Variants in FAM193A observed in about 807,000 individuals in gnomAD.
The protein encoded by FAM193A is family with sequence similarity 193 member A, also known as protein FAM193A.
In FAM193A, 22 loss-of-function variants were observed where a neutral mutation model predicts 126.5. The ratio of observed to expected loss-of-function variants is 0.17; its 90% CI spans 0.12 to 0.25. FAM193A has a LOEUF of 0.25. Ranked by LOEUF, FAM193A falls within the 10% of genes least tolerant of loss-of-function variation. The pLI is 1.00. For missense variants in FAM193A, 1,675 were observed against 1,672.8 expected (o/e 1.00, Z -0.02); for synonymous variants, 761 against 646.8 (o/e 1.18, Z -2.68).
At chr4:2,574,565 C>T (rs1484027089) in intron 1 of FAM193A, among the ~76,000 whole-genome samples, 1 of 151,996 alleles carries the variant, frequency 6.6e-6, no homozygotes, top group Non-Finnish European at 1.5e-5. Context: ...ATGTGGTTGG[C>T]GGAAGAAGAG....
chr4:2,647,138 A>C (rs2109054707), intron 7 of FAM193A, among the ~76,000 whole-genome samples: 1 of 151,854 alleles, frequency 6.6e-6, no homozygotes, highest in East Asian at 1.9e-4. Context: ...TCTGCACCCC[A>C]GGTAGGAGGT....
chr4:2,615,460 C>G (rs1182397833), intron 2 of FAM193A, among the ~76,000 whole-genome samples: 3 of 152,022 alleles, frequency 2.0e-5, no homozygotes, highest in African/African-American at 7.2e-5. Context: ...TTATAATTGC[C>G]TTTATTATGA....
At chr4:2,709,744 T>C (rs1469328357) in intron 19 of FAM193A, among the ~76,000 whole-genome samples, 1 of 151,296 alleles carries the variant, frequency 6.6e-6, no homozygotes, top group Non-Finnish European at 1.5e-5. Flanking sequence ...GGAAATTTTC[T>C]TGTTTTTTAC....
intron 2 of FAM193A, among the ~76,000 whole-genome samples, chr4:2,597,637 AAC>A (rs1292212752): frequency 9.9e-5 from 15 of 152,246 alleles, no homozygotes; most frequent in African/African-American, 3.6e-4. Flanking sequence ...CCTCACCAGA[AAC>A]AGTGACCTTG....
intron 13 of FAM193A, among the ~76,000 whole-genome samples, chr4:2,686,482 T>TTG (rs1456753819): frequency 6.6e-6 from 1 of 152,198 alleles, no homozygotes; most frequent in East Asian, 1.9e-4. Flanking sequence ...TATCAAAATG[T>TTG]TGTGACTTAC....
chr4:2,657,975 G>A, intron 8 of FAM193A, 95 bp downstream of exon 8: 1 of 835,772 alleles, frequency 1.2e-6, no homozygotes, highest in Non-Finnish European at 2.0e-6. Flanking sequence ...TGTTAGAACA[G>A]CATTGGAGGA....
In FAM193A at chr4:2,542,337, A is replaced by G. The variant is rs557260159; in HGVS notation, c.255+5167A>G. Among the ~76,000 whole-genome samples the G allele has an allele frequency of 1.8e-4, 27 of 151,828 alleles. No individual in the cohort carries two copies. In the East Asian group the frequency reaches 4.1e-3, roughly 23 times the overall value. ...GTATTTTTAGTAGAGACGGGGTTTC[A>G]CCTTGTTGGCCAAGCTGGTCTCGAA... On this transcript the variant is annotated intron_variant, in intron 1 of 20. Coordinates refer to ENST00000637812, the MANE Select transcript of FAM193A (RefSeq NM_001366318.2).
At position 2,625,365 on chromosome 4, in the gene FAM193A, C is replaced by T. The variant is rs1742847346; in HGVS notation, c.605C>T (p.Ala202Val). 4.3e-6 allele frequency: 3 copies of T among 702,734 alleles called. No homozygotes were observed. The African/African-American group carries it at 5.2e-5, about 12-fold the overall frequency. 43.5% of individuals were successfully genotyped at this position (702,734 alleles called of 1,614,324 possible). Residue 202 changes from alanine (A) to valine (V), a missense_variant, in exon 3 of 21, where the codon GCA (alanine) becomes GTA (valine). Physicochemically the swap from Ala to Val is moderately conservative, Grantham distance 64. Transcript: ENST00000637812. Reference protein sequence around the residue: ...LGAQTLPSDTACSCEACSERR... With the variant: ...LGAQTLPSDTVCSCEACSERR... ...GCACAGACGCTGCCTTCAGACACCGCATGCTCGTGCGAGGCCTGCAGTGAG... is the reference window on the plus strand; with the variant it reads ...GCACAGACGCTGCCTTCAGACACCGTATGCTCGTGCGAGGCCTGCAGTGAG...
At chr4:2,590,840 A>G (rs1001157889) in intron 1 of FAM193A, among the ~76,000 whole-genome samples, 6 of 151,932 alleles carry the variant, frequency 3.9e-5, no homozygotes, top group African/African-American at 1.5e-4. Flanking sequence ...ATCCTGGCTA[A>G]CATGGTGAAA....
chr4:2,608,933 C>A (rs1315359748), intron 2 of FAM193A, among the ~76,000 whole-genome samples: 1 of 151,130 alleles, frequency 6.6e-6, no homozygotes, highest in Non-Finnish European at 1.5e-5. Context: ...CTCTGTCGCC[C>A]AGGCTGGAGT....
chr4:2,684,643 G>T (rs1252855451), intron 13 of FAM193A, among the ~76,000 whole-genome samples: 2 of 152,172 alleles, frequency 1.3e-5, no homozygotes, highest in African/African-American at 4.8e-5. Context: ...GTCTGCTGAT[G>T]CGAGAGCTGC....
At chr4:2,638,602 C>G (rs1282448051) in intron 5 of FAM193A, among the ~76,000 whole-genome samples, 3 of 152,218 alleles carry the variant, frequency 2.0e-5, no homozygotes, top group Admixed American at 6.5e-5. Flanking sequence ...CTGAATCTCT[C>G]AATTCTTGTG....
At chr4:2,634,848 T>C (rs1220740040) in intron 5 of FAM193A, among the ~76,000 whole-genome samples, 1 of 152,190 alleles carries the variant, frequency 6.6e-6, no homozygotes, top group African/African-American at 2.4e-5. Context: ...CTGTGAGATG[T>C]TATAATGTGT....
intron 2 of FAM193A, among the ~76,000 whole-genome samples, chr4:2,597,704 C>A (rs1015567987): frequency 1.3e-5 from 2 of 152,126 alleles, no homozygotes; most frequent in Non-Finnish European, 2.9e-5. Context: ...CCAGCTGTTG[C>A]TTTGTAGGTC....
Position 2,700,436 on chromosome 4 carries a change from G to A in FAM193A, c.4264G>A (p.Gly1422Ser), listed in dbSNP as rs368509900. ...NPTPMEPTSP[G>S]EHQQNSKLVL... ...AACCCCTATGGAGCCCACCTCTCCCGGTGAGCATCAGCAGAACAGCAAGCT... is the reference window on the plus strand; with the variant it reads ...AACCCCTATGGAGCCCACCTCTCCCAGTGAGCATCAGCAGAACAGCAAGCT... Residue 1422 changes from glycine to serine, a missense_variant, in exon 19 of 21, where the codon GGT (glycine) becomes AGT (serine). Gly to Ser is a moderately conservative substitution (Grantham distance 56). Around this residue, in one of 4 missense-constraint regions of FAM193A, gnomAD observed 415 missense variants for 396.7 expected, o/e 1.05. Coordinates refer to ENST00000637812, the MANE Select transcript of FAM193A (RefSeq NM_001366318.2). The A allele has an allele frequency of 1.1e-5, 18 of 1,614,144 alleles. 1 individual carries two copies. Among genetic ancestry groups the A allele is most frequent in the East Asian group, 4.5e-5 (2 of 44,880 alleles).
At chr4:2,643,096 G>C (rs1473415728) in intron 6 of FAM193A, among the ~76,000 whole-genome samples, 1 of 152,030 alleles carries the variant, frequency 6.6e-6, no homozygotes, top group African/African-American at 2.4e-5. Flanking sequence ...GGCAGTTGAG[G>C]GAGAAGGATA....
intron 19 of FAM193A, chr4:2,708,101 G>A: frequency 2.3e-6 from 1 of 442,260 alleles, no homozygotes; most frequent in Non-Finnish European, 4.5e-6. Context: ...ATTTATTTGT[G>A]TATGAAAGCT....
intron 2 of FAM193A, among the ~76,000 whole-genome samples, chr4:2,603,743 C>T (rs147513210): frequency 2.3e-3 from 347 of 152,052 alleles, no homozygotes; most frequent in Non-Finnish European, 3.0e-3. Flanking sequence ...AGTCACTGCA[C>T]CCGGCCAATT....
intron 6 of FAM193A, among the ~76,000 whole-genome samples, chr4:2,642,873 C>T (rs1212015259): frequency 6.6e-6 from 1 of 151,982 alleles, no homozygotes; most frequent in Non-Finnish European, 1.5e-5. Flanking sequence ...GCTGGGACTA[C>T]AGGCGCCCGC....
Sources: allele counts gnomAD v4.1 joint callset (sites outside exome capture counted in the v4.1 genomes callset), GRCh38; gene constraint gnomAD v4.1.1; regional missense constraint gnomAD v4.1.1; transcripts MANE v1.5; gene names NCBI Gene and HGNC (gene_info 2026-07-23, HGNC 2026-07-21).